The following LRRC4C variants were observed in gnomAD, a reference collection of about 807,000 sequenced individuals.
LRRC4C encodes leucine-rich repeat-containing protein 4C.
A neutral mutation model predicts 33.6 loss-of-function variants in LRRC4C; 5 were observed. The ratio of observed to expected loss-of-function variants is 0.15; its 90% CI spans 0.08 to 0.31. LRRC4C has a LOEUF of 0.31. Among genes scored for constraint, LRRC4C ranks in the 10% least tolerant of loss-of-function variants. The pLI is 1.00. For missense variants in LRRC4C, 560 were observed against 796.7 expected (o/e 0.70, Z 3.58); for synonymous variants, 329 against 302.0 (o/e 1.09, Z -0.93).
At chr11:40,940,278 T>C (rs1189831150) in intron 1 of LRRC4C, among the ~76,000 whole-genome samples, 1 of 152,132 alleles carries the variant, frequency 6.6e-6, no homozygotes, top group Non-Finnish European at 1.5e-5. Context: ...AGGCACGTAG[T>C]ATGTACCAAA....
chr11:41,037,120 A>G (rs371721866), intron 1 of LRRC4C, among the ~76,000 whole-genome samples: 1 of 149,882 alleles, frequency 6.7e-6, no homozygotes, highest in East Asian at 2.0e-4. Context: ...CTGGGCCATC[A>G]AAGGCTTTTT....
At chr11:40,978,641 A>T (rs541683912) in intron 1 of LRRC4C, among the ~76,000 whole-genome samples, 133 of 128,840 alleles carry the variant, frequency 1.0e-3, no homozygotes, top group Non-Finnish European at 1.5e-3. Flanking sequence ...TTTTTTTTTG[A>T]TATGGAGTCT....
chr11:40,636,645 C>G (rs1230462863), intron 3 of LRRC4C, among the ~76,000 whole-genome samples: 1 of 152,094 alleles, frequency 6.6e-6, no homozygotes, highest in African/African-American at 2.4e-5. Flanking sequence ...GAAGAGGTGG[C>G]TACAGTATAC....
At chr11:40,236,444 A>C (rs1023237695) in intron 5 of LRRC4C, among the ~76,000 whole-genome samples, 5 of 152,188 alleles carry the variant, frequency 3.3e-5, no homozygotes, top group African/African-American at 1.2e-4. Context: ...CTTATGATAT[A>C]TCAGTAGAAC....
chr11:40,911,179 G>C (rs565484588), intron 2 of LRRC4C, among the ~76,000 whole-genome samples: 30 of 152,328 alleles, frequency 2.0e-4, no homozygotes, highest in African/African-American at 6.7e-4. Flanking sequence ...GTCCCTGTCT[G>C]ACAGCTTGGA....
intron 1 of LRRC4C, among the ~76,000 whole-genome samples, chr11:40,953,955 A>T (rs1958834858): frequency 6.6e-6 from 1 of 151,884 alleles, no homozygotes; most frequent in African/African-American, 2.4e-5. Flanking sequence ...GAGTCTTAGA[A>T]ATTCATCCAA....
intron 1 of LRRC4C, among the ~76,000 whole-genome samples, chr11:41,270,080 A>G (rs1698869315): frequency 6.6e-6 from 1 of 152,158 alleles, no homozygotes; most frequent in South Asian, 2.1e-4. Context: ...CTATTTTTAC[A>G]GAATATTGAA....
chr11:40,798,912 G>A (rs1591752176), intron 2 of LRRC4C, among the ~76,000 whole-genome samples: 2 of 152,034 alleles, frequency 1.3e-5, no homozygotes, highest in East Asian at 3.9e-4. Context: ...CTAAATTGCT[G>A]GGATTACGAG....
chr11:40,214,904 A>T (rs374535993), intron 5 of LRRC4C, among the ~76,000 whole-genome samples: 5 of 152,138 alleles, frequency 3.3e-5, no homozygotes, highest in Non-Finnish European at 7.4e-5. Context: ...AATTGGAGGA[A>T]TCATTAAAGA....
At chr11:41,139,799 T>C (rs1217035155) in intron 1 of LRRC4C, among the ~76,000 whole-genome samples, 2 of 152,204 alleles carry the variant, frequency 1.3e-5, no homozygotes, top group Non-Finnish European at 2.9e-5. Context: ...TCTGCTCTTC[T>C]TGGAGCAGGG....
At chr11:40,601,344 C>T (rs1203595178) in intron 3 of LRRC4C, among the ~76,000 whole-genome samples, 1 of 152,134 alleles carries the variant, frequency 6.6e-6, no homozygotes, top group African/African-American at 2.4e-5. Context: ...TCTTCATGGC[C>T]ATGAGAGCCT....
intron 1 of LRRC4C, among the ~76,000 whole-genome samples, chr11:41,121,043 A>G (rs994666483): frequency 3.2e-4 from 48 of 152,206 alleles, no homozygotes; most frequent in African/African-American, 1.1e-3. Context: ...TTTTTTCTTT[A>G]TAAATTACCC....
chr11:40,726,644 A>G (rs995112196), intron 2 of LRRC4C, among the ~76,000 whole-genome samples: 1 of 152,220 alleles, frequency 6.6e-6, no homozygotes, highest in Non-Finnish European at 1.5e-5. Flanking sequence ...GCCCACAGCC[A>G]ACATCATACT....
At chr11:40,705,549 T>TTTTTTTTTTTTTTTTTTGA (rs1356344551) in intron 2 of LRRC4C, among the ~76,000 whole-genome samples, 3 of 150,672 alleles carry the variant, frequency 2.0e-5, no homozygotes, top group Non-Finnish European at 3.0e-5. Context: ...TTCTTTTTTA[T>TTTTTTTTTTTTTTTTTTGA]GCCTGCATAG....
At chr11:40,680,977 T>C (rs951845898) in intron 2 of LRRC4C, among the ~76,000 whole-genome samples, 5 of 152,216 alleles carry the variant, frequency 3.3e-5, no homozygotes, top group African/African-American at 1.2e-4. Context: ...AATAGCTACA[T>C]GAAGCTAGTG....
intron 3 of LRRC4C, among the ~76,000 whole-genome samples, chr11:40,511,458 T>C (rs983113863): frequency 2.6e-5 from 4 of 152,182 alleles, no homozygotes; most frequent in Admixed American, 2.6e-4. Context: ...GAACTAAAAT[T>C]GCTATGGACC....
intron 3 of LRRC4C, among the ~76,000 whole-genome samples, chr11:40,623,086 G>C (rs1220754487): frequency 6.6e-6 from 1 of 151,618 alleles, no homozygotes; most frequent in Non-Finnish European, 1.5e-5. Flanking sequence ...GGAGCTCTAT[G>C]TTGTATTTTA....
intron 1 of LRRC4C, among the ~76,000 whole-genome samples, chr11:41,220,486 C>CTTTT (rs5791426): frequency 6.9e-6 from 1 of 144,348 alleles, no homozygotes; most frequent in African/African-American, 2.6e-5. Flanking sequence ...TAGAAAACAG[C>CTTTT]TTTTTTTTTT....
At position 40,553,096 on chromosome 11, in the gene LRRC4C, C is replaced by A. The variant is rs369952101; in HGVS notation, c.-270+95046G>T. On this transcript the variant is annotated intron_variant, in intron 3 of 6. Transcript: ENST00000528697. ...AACCAGCCTGGCCTACGTGGCAAAA[C>A]CCTGTCTCTACTAAAAATACAAAAA... is the stretch of plus-strand genomic sequence containing the variant. 2.4e-4 allele frequency among the ~76,000 whole-genome samples: 37 copies of A among 152,180 alleles called. No homozygotes were observed. In the East Asian group the frequency reaches 6.6e-3, roughly 27 times the overall value.
Sources: allele counts gnomAD v4.1 joint callset (sites outside exome capture counted in the v4.1 genomes callset), GRCh38; gene constraint gnomAD v4.1.1; transcripts MANE v1.5; gene names NCBI Gene and HGNC (gene_info 2026-07-23, HGNC 2026-07-21).